Variants in YPEL2 observed in about 807,000 individuals in gnomAD.
YPEL2 encodes the protein protein yippee-like 2.
A neutral mutation model predicts 19.1 loss-of-function variants in YPEL2; 2 were observed. The observed-to-expected ratio is 0.10, with a 90% CI of 0.04 to 0.33. The LOEUF (loss-of-function observed/expected upper bound fraction) is 0.33, where lower values mean the gene tolerates loss of function less well. Among genes scored for constraint, YPEL2 ranks in the 10% least tolerant of loss-of-function variants. The probability of loss-of-function intolerance (pLI) is 1.00; values close to 1 mark genes in which losing one functional copy is unlikely to be tolerated. For missense variants in YPEL2, 66 were observed against 140.7 expected (o/e 0.47, Z 2.68); for synonymous variants, 52 against 50.0 (o/e 1.04, Z -0.17).
In YPEL2 at chr17:59,397,243, A is replaced by G. The variant is rs2048044324; in HGVS notation, c.*53A>G. ...CCACGTGAACGCCATTCAACCGAAC[A>G]TTCTTCCCAAGCGTGAGAGAGTGAC... On this transcript the variant is annotated 3_prime_UTR_variant, in exon 5 of 5. Transcript: ENST00000312655. 7.1e-7 allele frequency: 1 copy of G among 1,417,628 alleles called. No individual in the cohort carries two copies. Among genetic ancestry groups the G allele is most frequent in the Admixed American group, 2.1e-5 (1 of 48,392 alleles). The allele number at this position is 1,417,628 out of a possible 1,614,324, so 87.8% of individuals were successfully genotyped here.
chr17:59,376,642 T>C (rs1364444287), intron 2 of YPEL2, among the ~76,000 whole-genome samples: 1 of 152,194 alleles, frequency 6.6e-6, no homozygotes, highest in Non-Finnish European at 1.5e-5. Flanking sequence ...TTAAGTTACT[T>C]CACTTTGAGT....
Position 59,384,023 on chromosome 17 carries a change from A to G in YPEL2, c.118-4304A>G, listed in dbSNP as rs1265068882. The stretch of plus-strand genomic sequence containing the variant: ...ACATAGGCTTTCGTTTCACTTGGGT[A>G]AATGAAATTGCCAGACTCGTTTCCA... On this transcript the variant is annotated intron_variant, in intron 2 of 4. Transcript: ENST00000312655. Among the ~76,000 whole-genome samples the G allele has an allele frequency of 2.0e-5, 3 of 152,198 alleles. No individual in the cohort carries two copies. The East Asian group carries it at 5.8e-4, about 29-fold the overall frequency.
rs1423258389 is a variant in YPEL2, at chr17:59,398,915, C to T, written c.*1725C>T. On this transcript the variant is annotated 3_prime_UTR_variant, in exon 5 of 5. Coordinates refer to ENST00000312655, the MANE Select transcript of YPEL2 (RefSeq NM_001005404.4). ...CAGCAGAACCAGTTTCCATTCAGAG[C>T]GCGTCCTTGGTGGAAATGCTTTTTT... 6.6e-6 allele frequency: 1 copy of T among 152,144 alleles called. No individual in the cohort carries two copies. The highest frequency in any genetic ancestry group is 2.4e-5 in the African/African-American group (1 of 41,408). The allele number at this position is 152,144 out of a possible 1,614,324, so 9.4% of individuals were successfully genotyped here.
At chr17:59,389,155 C>T (rs1436870898) in intron 3 of YPEL2, 6 of 567,206 alleles carry the variant, frequency 1.1e-5, no homozygotes, top group Non-Finnish European at 1.9e-5. Flanking sequence ...TAGACCCACT[C>T]CACTAGAACT....
At chr17:59,392,726 C>A (rs2048014041) in intron 4 of YPEL2, among the ~76,000 whole-genome samples, 1 of 152,020 alleles carries the variant, frequency 6.6e-6, no homozygotes, top group Non-Finnish European at 1.5e-5. Flanking sequence ...GTTGGTCAGG[C>A]TGGTCTCGAA....
chr17:59,371,664 G>C (rs557760671), intron 2 of YPEL2, among the ~76,000 whole-genome samples: 1 of 152,334 alleles, frequency 6.6e-6, no homozygotes, highest in South Asian at 2.1e-4. Context: ...CGCGAGACAG[G>C]AGGGAGAAGG....
At chr17:59,333,016 A>G (rs1200691242) in intron 1 of YPEL2, among the ~76,000 whole-genome samples, 1 of 152,124 alleles carries the variant, frequency 6.6e-6, no homozygotes, top group Non-Finnish European at 1.5e-5. Context: ...CCTGTGCCTC[A>G]CAGAGCATTA....
At chr17:59,334,393 G>T (rs528894265) in intron 1 of YPEL2, among the ~76,000 whole-genome samples, 5 of 149,002 alleles carry the variant, frequency 3.4e-5, no homozygotes, top group East Asian at 2.0e-4. Flanking sequence ...TTTTATTTGG[G>T]GGGGGGTGAG....
intron 1 of YPEL2, among the ~76,000 whole-genome samples, chr17:59,334,393 G>C (rs528894265): frequency 1.3e-4 from 19 of 149,002 alleles, no homozygotes; most frequent in African/African-American, 3.2e-4. Flanking sequence ...TTTTATTTGG[G>C]GGGGGGTGAG....
In YPEL2 at chr17:59,353,841, G is replaced by A. The variant is rs765152498; in HGVS notation, c.117+315G>A. ...CTCAGCTTGCTTGGTTTAGGTTGGCGGACGAAGAGTGAAGAGTGCTCCCTG... is the reference window on the plus strand; with the variant it reads ...CTCAGCTTGCTTGGTTTAGGTTGGCAGACGAAGAGTGAAGAGTGCTCCCTG... On this transcript the variant is annotated intron_variant, in intron 2 of 4. Coordinates refer to ENST00000312655, the MANE Select transcript of YPEL2 (RefSeq NM_001005404.4). This position sits in a 1 kb window ranked among gnomAD's most constrained non-coding sequence, Gnocchi z 4.8. 7 of 374,316 alleles carry A rather than the reference G, an allele frequency of 1.9e-5. No individual in the cohort carries two copies. The highest frequency in any genetic ancestry group is 8.4e-5 in the African/African-American group (4 of 47,464). 23.2% of individuals were successfully genotyped at this position (374,316 alleles called of 1,614,324 possible). A position where few individuals can be genotyped will look rare whatever the true frequency, so the allele number is the denominator to read the frequency against.
chr17:59,335,965 C>T (rs1567727034), intron 1 of YPEL2, among the ~76,000 whole-genome samples: 1 of 152,174 alleles, frequency 6.6e-6, no homozygotes, highest in East Asian at 1.9e-4. Flanking sequence ...TCTTAATCCC[C>T]TTAACTTTAT....
chr17:59,360,440 G>C (rs1197599226), intron 2 of YPEL2, among the ~76,000 whole-genome samples: 1 of 152,194 alleles, frequency 6.6e-6, no homozygotes, highest in Non-Finnish European at 1.5e-5. Flanking sequence ...ACAAATTAGG[G>C]AAGAGTTCCA....
chr17:59,372,238 A>G (rs950694571), intron 2 of YPEL2, among the ~76,000 whole-genome samples: 1 of 152,228 alleles, frequency 6.6e-6, no homozygotes, highest in African/African-American at 2.4e-5. Context: ...GAATTTTCCC[A>G]GAAGCCCTAG....
chr17:59,364,222 A>G (rs1329929297), intron 2 of YPEL2, among the ~76,000 whole-genome samples: 1 of 152,082 alleles, frequency 6.6e-6, no homozygotes, highest in African/African-American at 2.4e-5. Context: ...TCCTCATTTT[A>G]CAGATTAGGA....
intron 1 of YPEL2, among the ~76,000 whole-genome samples, chr17:59,334,976 C>A (rs2047691922): frequency 6.6e-6 from 1 of 152,104 alleles, no homozygotes. Context: ...TGATCAATTC[C>A]CATTGTAAAT....
chr17:59,395,488 G>A (rs978641551), intron 4 of YPEL2, among the ~76,000 whole-genome samples: 2 of 152,184 alleles, frequency 1.3e-5, no homozygotes, highest in African/African-American at 2.4e-5. Context: ...ATGTTCTTAT[G>A]TGTGTATCTC....
chr17:59,349,536 AG>A (rs1312657821), intron 1 of YPEL2, among the ~76,000 whole-genome samples: 1 of 151,550 alleles, frequency 6.6e-6, no homozygotes, highest in African/African-American at 2.4e-5. Context: ...TAGTGGAAAC[AG>A]GGTTTCACCA....
intron 2 of YPEL2, among the ~76,000 whole-genome samples, chr17:59,368,756 A>G (rs1447150013): frequency 6.6e-6 from 1 of 152,216 alleles, no homozygotes; most frequent in Non-Finnish European, 1.5e-5. Context: ...AGGAGCTGCT[A>G]AAAGGTTTTA....
At chr17:59,385,972 A>G (rs76580894) in intron 2 of YPEL2, among the ~76,000 whole-genome samples, 3,082 of 152,274 alleles carry the variant, frequency 0.02, 99 homozygotes, top group East Asian at 0.12. Context: ...CTCACAGTCT[A>G]CTGAGGGAGT....
Sources: gnomAD v4.1 joint callset for allele counts (sites outside exome capture counted in the v4.1 genomes callset) on GRCh38, gnomAD v4.1.1 for gene constraint, Gnocchi (gnomAD v3.1) non-coding constraint, MANE v1.5 for transcripts, NCBI Gene and HGNC (gene_info 2026-07-23, HGNC 2026-07-21) for gene names.